ACADSB: variants seen among roughly 807,000 people sequenced by gnomAD.
ACADSB encodes the protein short/branched chain specific acyl-CoA dehydrogenase, mitochondrial.
Under a neutral mutation model 54.1 loss-of-function variants are expected in ACADSB, and 40 were observed. That is an observed-to-expected ratio of 0.74 (90% confidence interval 0.57 to 0.96). The LOEUF (loss-of-function observed/expected upper bound fraction) is 0.96, where lower values mean the gene tolerates loss of function less well. Ranked by LOEUF, ACADSB falls within the 40% of genes least tolerant of loss-of-function variation. The pLI, the probability that ACADSB is intolerant of heterozygous loss-of-function variation, is 0.00. For synonymous variants in ACADSB, 182 were observed against 182.8 expected (o/e 1.00, Z 0.03); for missense variants, 530 against 510.4 (o/e 1.04, Z -0.37).
At chr10:123,019,850 G>A (rs1210317736) in intron 1 of ACADSB, among the ~76,000 whole-genome samples, 2 of 152,078 alleles carry the variant, frequency 1.3e-5, no homozygotes, top group African/African-American at 4.8e-5. Context: ...ATAACCACTC[G>A]CTACCCCTAA....
chr10:123,011,667 C>T (rs1229174994), intron 1 of ACADSB, among the ~76,000 whole-genome samples: 1 of 151,918 alleles, frequency 6.6e-6, no homozygotes, highest in Non-Finnish European at 1.5e-5. Context: ...ACTGGGATTA[C>T]AGGCGCCTGC....
At position 123,056,662 on chromosome 10, in the gene ACADSB, T is replaced by C. The variant is rs1850712535; in HGVS notation, c.*2897T>C. On this transcript the variant is annotated 3_prime_UTR_variant, in exon 11 of 11. Coordinates refer to ENST00000358776, the MANE Select transcript of ACADSB (RefSeq NM_001609.4). Reference sequence around the variant, plus strand: ...TGATATTTTCTGAAAGAGGAACATGTGTTAGAGATGAAGAATCTTCCAAGG... The same window carrying C: ...TGATATTTTCTGAAAGAGGAACATGCGTTAGAGATGAAGAATCTTCCAAGG... 1 of 152,184 alleles carries C rather than the reference T, an allele frequency of 6.6e-6. No homozygotes were observed. Among genetic ancestry groups the C allele is most frequent in the Non-Finnish European group, 1.5e-5 (1 of 68,032 alleles). The allele number at this position is 152,184 out of a possible 1,614,324, so 9.4% of individuals were successfully genotyped here.
At position 123,052,767 on chromosome 10, in the gene ACADSB, C is replaced by A. The variant is rs187808829; in HGVS notation, c.1129-294C>A. ...CCTCAGCTTGAAATGTCCCTTAGCTCGTCCGTTAGGCCCCCAGTAAACATT... is the reference window on the plus strand; with the variant it reads ...CCTCAGCTTGAAATGTCCCTTAGCTAGTCCGTTAGGCCCCCAGTAAACATT... On this transcript the variant is annotated intron_variant, in intron 9 of 10. Coordinates refer to ENST00000358776, the MANE Select transcript of ACADSB (RefSeq NM_001609.4). This position sits in a 1 kb window ranked among gnomAD's most constrained non-coding sequence, Gnocchi z 4.2. 37 of 393,358 alleles carry A rather than the reference C, an allele frequency of 9.4e-5. No individual in the cohort carries two copies. The highest frequency in any genetic ancestry group is 5.9e-4 in the Admixed American group (16 of 27,158). 24.4% of individuals were successfully genotyped at this position (393,358 alleles called of 1,614,324 possible).
Position 123,009,018 on chromosome 10 carries a change from C to A in ACADSB, c.-12C>A. ...GACCCAGAGGCGCAGAGCGGAGAGGCCTGCGGCGAGGATGGAGGGCCTGGC... is the reference window on the plus strand; with the variant it reads ...GACCCAGAGGCGCAGAGCGGAGAGGACTGCGGCGAGGATGGAGGGCCTGGC... On this transcript the variant is annotated 5_prime_UTR_variant, in exon 1 of 11. Coordinates refer to ENST00000358776, the MANE Select transcript of ACADSB (RefSeq NM_001609.4). 3.9e-6 allele frequency: 6 copies of A among 1,547,732 alleles called. No individual in the cohort carries two copies. Among genetic ancestry groups the A allele is most frequent in the Non-Finnish European group, 5.2e-6 (6 of 1,146,824 alleles).
At chr10:123,034,947 C>CTTTTTTTTTTTTTTTTTTTTTTTTT (rs138763749) in intron 2 of ACADSB, among the ~76,000 whole-genome samples, 1 of 149,516 alleles carries the variant, frequency 6.7e-6, no homozygotes, top group African/African-American at 2.5e-5. Context: ...TTCTTTCTTT[C>CTTTTTTTTTTTTTTTTTTTTTTTTT]TTTTTTTTCT....
chr10:123,023,494 A>T (rs1326635711), intron 1 of ACADSB, among the ~76,000 whole-genome samples: 1 of 152,180 alleles, frequency 6.6e-6, no homozygotes, highest in Non-Finnish European at 1.5e-5. Context: ...ACACACACAC[A>T]CAAACAAAGA....
intron 1 of ACADSB, 141 bp from the exon 2 acceptor site, chr10:123,034,215 G>A: frequency 1.2e-6 from 1 of 826,074 alleles, no homozygotes. Flanking sequence ...TTTGTGTTAT[G>A]TTTAAAAGAC....
At chr10:123,043,865 AT>A (rs1178326179) in intron 6 of ACADSB, among the ~76,000 whole-genome samples, 1 of 152,052 alleles carries the variant, frequency 6.6e-6, no homozygotes, top group African/African-American at 2.4e-5. Flanking sequence ...TTAATTCTTT[AT>A]TTTTTTAAAG....
At chr10:123,050,198 A>C (rs1310334110) in intron 8 of ACADSB, among the ~76,000 whole-genome samples, 2 of 152,192 alleles carry the variant, frequency 1.3e-5, no homozygotes, top group Non-Finnish European at 2.9e-5. Flanking sequence ...TTCGTGTGTG[A>C]TTGACTTAAT....
chr10:123,038,416 C>T (rs954156013), intron 3 of ACADSB, among the ~76,000 whole-genome samples: 17 of 152,154 alleles, frequency 1.1e-4, no homozygotes, highest in African/African-American at 4.1e-4. Context: ...TTCCCATCTT[C>T]TCAAGTCACA....
Position 123,044,523 on chromosome 10 carries a change from T to C in ACADSB, c.900+38T>C, listed in dbSNP as rs369613110. ...TAAACTCTTCCATGATGTGAGTCAA[T>C]TAAACTGTGAAAAGAAAAAAATGCA... On this transcript the variant is annotated intron_variant, in intron 7 of 10. Coordinates refer to ENST00000358776, the MANE Select transcript of ACADSB (RefSeq NM_001609.4). 26 of 1,533,396 alleles carry C rather than the reference T, an allele frequency of 1.7e-5. No homozygotes were observed. The African/African-American group carries it at 3.4e-4, about 20-fold the overall frequency. The allele number at this position is 1,533,396 out of a possible 1,614,324, so 95.0% of individuals were successfully genotyped here.
chr10:123,033,983 C>A (rs1850362206), intron 1 of ACADSB, among the ~76,000 whole-genome samples: 1 of 152,206 alleles, frequency 6.6e-6, no homozygotes, highest in Admixed American at 6.5e-5. Flanking sequence ...TGTGCCCTCA[C>A]AAGAGAAGGC....
At chr10:123,040,336 G>A (rs552088935) in intron 3 of ACADSB, 130 bp from the exon 4 acceptor site, 289 of 838,118 alleles carry the variant, frequency 3.4e-4, no homozygotes, top group Non-Finnish European at 4.7e-4. Context: ...GGGAGACGGA[G>A]CAAGACTGTC....
At position 123,025,266 on chromosome 10, in the gene ACADSB, G is replaced by A. The variant is rs113816836; in HGVS notation, c.43-9090G>A. On this transcript the variant is annotated intron_variant, in intron 1 of 10. Coordinates refer to ENST00000358776, the MANE Select transcript of ACADSB (RefSeq NM_001609.4). ...GAATCTAGGAGTTTGACATCAGCCT[G>A]GGCAACATAGCGAGACCTCGTCTCT... Among the ~76,000 whole-genome samples the A allele has an allele frequency of 4.0e-3, 613 of 152,128 alleles. 1 individual carries two copies. The highest frequency in any genetic ancestry group is 0.014 in the African/African-American group (567 of 41,520).
intron 1 of ACADSB, among the ~76,000 whole-genome samples, chr10:123,033,731 TAA>T (rs748144170): frequency 1.3e-5 from 2 of 152,176 alleles, no homozygotes; most frequent in Non-Finnish European, 2.9e-5. Context: ...ACTGAGAGGT[TAA>T]AAATCACTTG....
chr10:123,042,193 T>C (rs1053284449), intron 5 of ACADSB, among the ~76,000 whole-genome samples: 51 of 152,048 alleles, frequency 3.4e-4, no homozygotes, highest in Non-Finnish European at 5.9e-5. Context: ...CTCAAACTCC[T>C]GACGTCGGAT....
intron 9 of ACADSB, 64 bp downstream of exon 9, chr10:123,051,250 A>G: frequency 7.1e-7 from 1 of 1,404,570 alleles, no homozygotes; most frequent in Non-Finnish European, 9.4e-7. Context: ...TCAGATATAT[A>G]CTTATTAACA....
In ACADSB at chr10:123,044,491, T is replaced by C. The variant is rs758074593; in HGVS notation, c.900+6T>C. On this transcript the variant is annotated splice_donor_region_variant and intron_variant, in intron 7 of 10. Coordinates refer to ENST00000358776, the MANE Select transcript of ACADSB (RefSeq NM_001609.4). ...GAATAGGAATTGCTGCACAGGTAAG[T>C]CAGATTTAAACTCTTCCATGATGTG... The C allele has an allele frequency of 6.2e-7, 1 of 1,603,792 alleles. No individual in the cohort carries two copies. The highest frequency in any genetic ancestry group is 1.1e-5 in the South Asian group (1 of 90,878).
chr10:123,044,315 A>G (rs937031444), intron 6 of ACADSB, 78 bp from the exon 7 acceptor site: 3 of 1,241,260 alleles, frequency 2.4e-6, no homozygotes, highest in African/African-American at 1.5e-5. Context: ...TTGAGAGTCT[A>G]TGTGTACTTA....
Sources: gnomAD v4.1 joint callset for allele counts (sites outside exome capture counted in the v4.1 genomes callset) on GRCh38, gnomAD v4.1.1 for gene constraint, Gnocchi (gnomAD v3.1) non-coding constraint, MANE v1.5 for transcripts, NCBI Gene and HGNC (gene_info 2026-07-23, HGNC 2026-07-21) for gene names.